CELF1: variants seen among roughly 807,000 people sequenced by gnomAD.
The protein encoded by CELF1 is CUGBP Elav-like family member 1, also known as 50 kDa nuclear polyadenylated RNA-binding protein.
Under a neutral mutation model 61.8 loss-of-function variants are expected in CELF1, and 10 were observed. The observed-to-expected ratio is 0.16, with a 90% CI of 0.10 to 0.27. CELF1 has a LOEUF of 0.27. CELF1 is among the 10% of genes least tolerant of loss of function. The probability of loss-of-function intolerance (pLI) is 1.00; values close to 1 mark genes in which losing one functional copy is unlikely to be tolerated. For missense variants in CELF1, 380 were observed against 639.1 expected, an observed-to-expected ratio of 0.59 and a Z score of 4.37; for synonymous variants, 236 against 225.1, an observed-to-expected ratio of 1.05 and a Z score of -0.43.
chr11:47,502,520 A>ATGTGTG (rs538599914), intron 1 of CELF1, among the ~76,000 whole-genome samples: 2 of 151,420 alleles, frequency 1.3e-5, no homozygotes, highest in Non-Finnish European at 2.9e-5. Context: ...GTGTGTGTGT[A>ATGTGTG]TGTGTGTGTG....
intron 1 of CELF1, among the ~76,000 whole-genome samples, chr11:47,526,977 G>C (rs1418424365): frequency 6.6e-6 from 1 of 151,910 alleles, no homozygotes; most frequent in Non-Finnish European, 1.5e-5. Context: ...CTTGAACCCA[G>C]GAGGCAGAGG....
intron 1 of CELF1, among the ~76,000 whole-genome samples, chr11:47,527,994 GC>G (rs2096311228): frequency 6.6e-6 from 1 of 152,142 alleles, no homozygotes; most frequent in Non-Finnish European, 1.5e-5. Flanking sequence ...TACTCCGGAG[GC>G]TGAGACAGGA....
At chr11:47,552,747 C>T (rs1386565054) in intron 1 of CELF1, among the ~76,000 whole-genome samples, 1 of 152,136 alleles carries the variant, frequency 6.6e-6, no homozygotes, top group African/African-American at 2.4e-5. Flanking sequence ...ACGAGGAGGG[C>T]GGGTCTCCCT....
chr11:47,491,006 C>T (rs901173746), intron 3 of CELF1, among the ~76,000 whole-genome samples: 2 of 150,736 alleles, frequency 1.3e-5, no homozygotes, highest in Non-Finnish European at 2.9e-5. Flanking sequence ...GGATTACAGG[C>T]GCGTGTCACC....
intron 8 of CELF1, among the ~76,000 whole-genome samples, 158 bp downstream of exon 8, chr11:47,483,295 A>G (rs2153443027): frequency 6.6e-6 from 1 of 152,212 alleles, no homozygotes; most frequent in East Asian, 1.9e-4. Context: ...CATTTCCAAT[A>G]CGTTAATTTT....
At position 47,538,471 on chromosome 11, in the gene CELF1, G is replaced by A. The variant is rs1007283812; in HGVS notation, c.-154+14521C>T. Among the ~76,000 whole-genome samples, 10 of 151,924 alleles carry A rather than the reference G, an allele frequency of 6.6e-5. No homozygotes were observed. In the South Asian group the frequency reaches 1.9e-3, roughly 28 times the overall value. On this transcript the variant is annotated intron_variant, in intron 1 of 14. Coordinates refer to ENST00000687097, the MANE Select transcript of CELF1 (RefSeq NM_001376376.1). Reference sequence around the variant, plus strand: ...ATCCTGGCCAACACGGTGAAACCCCGTCTCTACTAAAAATACAAAAAATTA... The same window carrying A: ...ATCCTGGCCAACACGGTGAAACCCCATCTCTACTAAAAATACAAAAAATTA...
chr11:47,487,123 T>C (rs1565791146), intron 5 of CELF1, 36 bp downstream of exon 5: 1 of 1,504,272 alleles, frequency 6.6e-7, no homozygotes. Flanking sequence ...ATATCAAAGT[T>C]ACCACATTTC....
At chr11:47,498,236 A>C (rs1350872356) in intron 3 of CELF1, among the ~76,000 whole-genome samples, 1 of 149,168 alleles carries the variant, frequency 6.7e-6, no homozygotes, top group Non-Finnish European at 1.5e-5. Context: ...GGGAGACCTC[A>C]TATCTACAAA....
chr11:47,501,820 C>A (rs1196217730), intron 1 of CELF1, among the ~76,000 whole-genome samples: 1 of 152,014 alleles, frequency 6.6e-6, no homozygotes, highest in East Asian at 1.9e-4. Flanking sequence ...GACTCCGTCT[C>A]CCCCACCAAA....
At chr11:47,528,020 C>G (rs1029323414) in intron 1 of CELF1, among the ~76,000 whole-genome samples, 1 of 152,070 alleles carries the variant, frequency 6.6e-6, no homozygotes, top group Non-Finnish European at 1.5e-5. Flanking sequence ...GGGTTGAACC[C>G]GAGAGGCGGA....
In CELF1 at chr11:47,486,794, T is replaced by C; in HGVS notation, c.347A>G (p.His116Arg). 1.2e-6 allele frequency: 2 copies of C among 1,609,470 alleles called. No individual in the cohort carries two copies. The change falls in exon 6 of 15, where the codon CAT becomes CGT. Residue 116 changes from histidine to arginine, a missense_variant. Physicochemically the swap from His to Arg is conservative, Grantham distance 29 (BLOSUM62 0). Coordinates refer to ENST00000687097, the MANE Select transcript of CELF1 (RefSeq NM_001376376.1). ...AGCAGGTTTCATCTGTATAGGGTGA[T>C]GCATCTGAAAAGGAAAAATATGATT... ...LHNMKVLPGM[H>R]HPIQMKPADS...
intron 1 of CELF1, among the ~76,000 whole-genome samples, chr11:47,519,978 G>A (rs929080747): frequency 6.7e-6 from 1 of 148,200 alleles, no homozygotes; most frequent in African/African-American, 2.5e-5. Flanking sequence ...ACTTGTCAGT[G>A]CTTTGATTTC....
intron 1 of CELF1, among the ~76,000 whole-genome samples, chr11:47,533,578 G>A (rs1054912940): frequency 1.3e-5 from 2 of 152,068 alleles, no homozygotes; most frequent in Non-Finnish European, 2.9e-5. Context: ...AGCTGAGATC[G>A]CACCACCGCA....
chr11:47,473,951 G>A (rs1330735724), intron 13 of CELF1, among the ~76,000 whole-genome samples: 1 of 151,810 alleles, frequency 6.6e-6, no homozygotes, highest in Non-Finnish European at 1.5e-5. Flanking sequence ...CTGTTGCCCA[G>A]GTTGGAGTGC....
At chr11:47,529,843 C>T (rs1290881251) in intron 1 of CELF1, among the ~76,000 whole-genome samples, 1 of 151,844 alleles carries the variant, frequency 6.6e-6, no homozygotes, top group East Asian at 1.9e-4. Flanking sequence ...AATACTTGGG[C>T]AGGGGACAGG....
rs2077847537 is a variant in CELF1, at chr11:47,472,019, T to C, written c.*211A>G. ...GCACCTAAACTCCAAAGTAAAACACTGGAAACCAAAGCACAAACTTGTCCT... is the reference window on the plus strand; with the variant it reads ...GCACCTAAACTCCAAAGTAAAACACCGGAAACCAAAGCACAAACTTGTCCT... On this transcript the variant is annotated 3_prime_UTR_variant, in exon 15 of 15. Coordinates refer to ENST00000687097, the MANE Select transcript of CELF1 (RefSeq NM_001376376.1). The C allele has an allele frequency of 2.8e-5, 15 of 542,250 alleles. No individual in the cohort carries two copies. The South Asian group carries it at 5.5e-4, about 20-fold the overall frequency. The allele number at this position is 542,250 out of a possible 1,614,324, so 33.6% of individuals were successfully genotyped here.
intron 6 of CELF1, among the ~76,000 whole-genome samples, chr11:47,485,584 A>T (rs548454008): frequency 1.4e-5 from 2 of 147,776 alleles, no homozygotes; most frequent in South Asian, 4.3e-4. Flanking sequence ...TACTTTTCTG[A>T]ATTTTTTTTT....
chr11:47,489,994 A>C (rs1032328443), intron 3 of CELF1, among the ~76,000 whole-genome samples: 2 of 104,760 alleles, frequency 1.9e-5, no homozygotes, highest in African/African-American at 3.7e-5. Flanking sequence ...GCTGGAGTGT[A>C]ATGGCCTGAT....
At chr11:47,475,999 A>AT (rs370220622) in intron 12 of CELF1, among the ~76,000 whole-genome samples, 3,475 of 142,678 alleles carry the variant, frequency 0.024, 55 homozygotes, top group Middle Eastern at 0.089. Context: ...CTATGTTCTA[A>AT]TTTTTTTTTT....
Sources: gnomAD v4.1 joint callset for allele counts (sites outside exome capture counted in the v4.1 genomes callset) on GRCh38, gnomAD v4.1.1 for gene constraint, MANE v1.5 for transcripts, NCBI Gene and HGNC (gene_info 2026-07-23, HGNC 2026-07-21) for gene names.